The following TNIK variants were observed in gnomAD, a reference collection of about 807,000 sequenced individuals.
TNIK encodes the protein TRAF2 and NCK interacting kinase.
Under a neutral mutation model 191.3 loss-of-function variants are expected in TNIK, and 49 were observed. The observed-to-expected ratio is 0.26, with a 90% CI of 0.20 to 0.32. The LOEUF (loss-of-function observed/expected upper bound fraction) is 0.32, where lower values mean the gene tolerates loss of function less well. Ranked by LOEUF, TNIK falls within the 10% of genes least tolerant of loss-of-function variation. The probability of loss-of-function intolerance (pLI) is 1.00; values close to 1 mark genes in which losing one functional copy is unlikely to be tolerated. For synonymous variants in TNIK, 594 were observed against 600.9 expected (o/e 0.99, Z 0.17); for missense variants, 1,155 against 1,702.3 (o/e 0.68, Z 5.66).
In TNIK at chr3:171,103,693, T is replaced by TTATATAATTTAA. The variant is rs1378415144; in HGVS notation, c.2407-2072_2407-2061dup. 3.8e-4 allele frequency among the ~76,000 whole-genome samples: 58 copies of TTATATAATTTAA among 152,252 alleles called. 1 individual carries two copies. The East Asian group carries it at 6.6e-3, about 17-fold the overall frequency. On this transcript the variant is annotated intron_variant, in intron 21 of 32. Transcript: ENST00000436636. Reference sequence around the variant, plus strand: ...GTTACTTGTTATTAAGAATTACATTTTATATAATTTAAAGAGAGAATATGG... The same window carrying TTATATAATTTAA: ...GTTACTTGTTATTAAGAATTACATTTTATATAATTTAATATATAATTTAAAGAGAGAATATGG...
chr3:171,199,919 C>A (rs1283644059), intron 4 of TNIK, among the ~76,000 whole-genome samples: 1 of 152,186 alleles, frequency 6.6e-6, no homozygotes, highest in Admixed American at 6.5e-5. Flanking sequence ...TGGAAGATAG[C>A]ATCAATACCT....
At chr3:171,176,598 A>C (rs111669126) in intron 8 of TNIK, among the ~76,000 whole-genome samples, 2,091 of 152,312 alleles carry the variant, frequency 0.014, 43 homozygotes, top group African/African-American at 0.048. Context: ...ATAGGGGATT[A>C]CTTGGGTGAA....
chr3:171,264,109 CACATAT>C (rs1193100326), intron 2 of TNIK, among the ~76,000 whole-genome samples: 18 of 57,782 alleles, frequency 3.1e-4, no homozygotes, highest in African/African-American at 1.6e-3. Flanking sequence ...CACACACACA[CACATAT>C]ATATATATAT....
At chr3:171,264,275 T>C (rs1039567637) in intron 2 of TNIK, among the ~76,000 whole-genome samples, 3 of 151,870 alleles carry the variant, frequency 2.0e-5, no homozygotes, top group Non-Finnish European at 2.9e-5. Flanking sequence ...AGGAAAAGAA[T>C]TGTATGTTTT....
intron 2 of TNIK, among the ~76,000 whole-genome samples, chr3:171,246,724 T>C (rs1745635471): frequency 1.3e-5 from 2 of 152,136 alleles, no homozygotes; most frequent in Non-Finnish European, 1.5e-5. Flanking sequence ...AGATCTTGAG[T>C]TTTCAGCTAT....
At chr3:171,378,994 G>A (rs1717640729) in intron 1 of TNIK, among the ~76,000 whole-genome samples, 1 of 152,154 alleles carries the variant, frequency 6.6e-6, no homozygotes. Flanking sequence ...AGGAAACAGG[G>A]ACAGTAGGTA....
chr3:171,139,561 A>G lies in TNIK; in HGVS notation c.1333-5T>C, dbSNP rs948588947. On this transcript the variant is annotated splice_region_variant and splice_polypyrimidine_tract_variant and intron_variant, in intron 13 of 32. Coordinates refer to ENST00000436636, the MANE Select transcript of TNIK (RefSeq NM_015028.4). ...TAACTGTCGCCTGATGTATTCCTGG[A>G]GAGGTAGGCAGCAGAGAATTCAGAG... The G allele has an allele frequency of 8.1e-6, 13 of 1,613,594 alleles. No homozygotes were observed. Among genetic ancestry groups the G allele is most frequent in the African/African-American group, 1.3e-5 (1 of 75,016 alleles).
intron 1 of TNIK, among the ~76,000 whole-genome samples, chr3:171,394,617 C>T (rs185775908): frequency 8.0e-4 from 122 of 152,310 alleles, no homozygotes; most frequent in Middle Eastern, 3.4e-3. Flanking sequence ...AACCTTATGA[C>T]ATCTCATCCT....
chr3:171,134,151 G>A (rs1729669314), intron 15 of TNIK, among the ~76,000 whole-genome samples: 1 of 151,992 alleles, frequency 6.6e-6, no homozygotes, highest in Admixed American at 6.5e-5. Flanking sequence ...CAAAAAGTGA[G>A]GAAGAAGACC....
chr3:171,260,241 T>C (rs1747433434), intron 2 of TNIK, among the ~76,000 whole-genome samples: 1 of 152,132 alleles, frequency 6.6e-6, no homozygotes, highest in Admixed American at 6.6e-5. Flanking sequence ...ACACAGCACC[T>C]AGGCTATAAA....
At position 171,079,648 on chromosome 3, in the gene TNIK, C is replaced by A; in HGVS notation, c.3318G>T (p.Lys1106Asn). ...GATAGTAAACTCGTAGCTTATTCTT[C>A]TTTCCTGTTGAAATAATAGAGGTTT... ...GLNVLVTISG[K>N]KNKLRVYYLS... The change falls in exon 28 of 33, where the codon AAG (lysine) becomes AAT (asparagine). Residue 1106 changes from lysine to asparagine, a missense_variant. By Grantham distance (94) the Lys-to-Asn change is moderately conservative. Around this residue, in one of 3 missense-constraint regions of TNIK, gnomAD observed 195 missense variants for 415.4 expected, o/e 0.47. Transcript: ENST00000436636. The A allele has an allele frequency of 6.2e-7, 1 of 1,607,714 alleles. No individual in the cohort carries two copies. Among genetic ancestry groups the A allele is most frequent in the South Asian group, 1.1e-5 (1 of 89,594 alleles).
At chr3:171,131,009 C>T (rs1207183782) in intron 15 of TNIK, among the ~76,000 whole-genome samples, 1 of 151,444 alleles carries the variant, frequency 6.6e-6, no homozygotes, top group Admixed American at 6.6e-5. Flanking sequence ...GTGTCAGCAA[C>T]AAGGCCCCAG....
At chr3:171,420,823 T>C (rs1318648902) in intron 1 of TNIK, among the ~76,000 whole-genome samples, 2 of 152,116 alleles carry the variant, frequency 1.3e-5, no homozygotes, top group African/African-American at 4.8e-5. Context: ...AGCTACTAAG[T>C]AGACTAAAGG....
chr3:171,346,012 A>T (rs979231471), intron 2 of TNIK, among the ~76,000 whole-genome samples: 3 of 152,144 alleles, frequency 2.0e-5, no homozygotes, highest in Non-Finnish European at 4.4e-5. Context: ...TAAGGGGAAC[A>T]GGGAATGGAG....
intron 30 of TNIK, among the ~76,000 whole-genome samples, chr3:171,067,285 AT>A (rs769770141): frequency 5.3e-5 from 8 of 150,218 alleles, no homozygotes; most frequent in Admixed American, 6.6e-5. Flanking sequence ...TGAAAAAAAA[AT>A]ATATATATAG....
At chr3:171,165,447 C>G (rs907046363) in intron 10 of TNIK, among the ~76,000 whole-genome samples, 15 of 147,444 alleles carry the variant, frequency 1.0e-4, no homozygotes, top group Admixed American at 1.0e-3. Flanking sequence ...GGAACTCTTT[C>G]TGGAACCTTC....
At chr3:171,459,237 C>A (rs1729136314) in intron 1 of TNIK, among the ~76,000 whole-genome samples, 1 of 152,036 alleles carries the variant, frequency 6.6e-6, no homozygotes, top group African/African-American at 2.4e-5. Flanking sequence ...CACACACACA[C>A]ACACACTCGC....
At chr3:171,372,321 T>A (rs1716611714) in intron 1 of TNIK, among the ~76,000 whole-genome samples, 1 of 152,232 alleles carries the variant, frequency 6.6e-6, no homozygotes, top group Non-Finnish European at 1.5e-5. Flanking sequence ...AGAGTTCTAC[T>A]GGCAACTGGC....
chr3:171,248,097 AG>A (rs1477633137), intron 2 of TNIK, among the ~76,000 whole-genome samples: 7 of 152,196 alleles, frequency 4.6e-5, no homozygotes, highest in Admixed American at 1.3e-4. Flanking sequence ...GGATGAAAGA[AG>A]GTAAGAATGT....
Sources: gnomAD v4.1 joint callset for allele counts (sites outside exome capture counted in the v4.1 genomes callset) on GRCh38, gnomAD v4.1.1 for gene constraint, gnomAD v4.1.1 regional missense constraint, MANE v1.5 for transcripts, NCBI Gene and HGNC (gene_info 2026-07-23, HGNC 2026-07-21) for gene names.